Variants in DNAH11 observed in about 807,000 individuals in gnomAD.
DNAH11 encodes dynein axonemal heavy chain 11.
A neutral mutation model predicts 526.0 loss-of-function variants in DNAH11; 442 were observed. That is an observed-to-expected ratio of 0.84 (90% confidence interval 0.78 to 0.91). The LOEUF (loss-of-function observed/expected upper bound fraction) is 0.91. Ranked by LOEUF, DNAH11 falls within the 40% of genes least tolerant of loss-of-function variation. DNAH11 has a pLI of 0.00. For missense variants in DNAH11, 6,989 were observed against 5,448.7 expected, an observed-to-expected ratio of 1.28 and a Z score of -8.90; for synonymous variants, 2,461 against 1,935.9, an observed-to-expected ratio of 1.27 and a Z score of -7.12.
chr7:21,673,271 G>A (rs1782717340), intron 30 of DNAH11, among the ~76,000 whole-genome samples: 1 of 152,098 alleles, frequency 6.6e-6, no homozygotes, highest in Non-Finnish European at 1.5e-5. Flanking sequence ...ACTAGACCCT[G>A]GCTCCACCGT....
In DNAH11 at chr7:21,591,414, A is replaced by G. The variant is rs745305844; in HGVS notation, c.2504A>G (p.Lys835Arg). 4.5e-5 allele frequency: 72 copies of G among 1,613,874 alleles called. No individual in the cohort carries two copies. Among genetic ancestry groups the G allele is most frequent in the Non-Finnish European group, 5.8e-5 (69 of 1,179,892 alleles). ...GTTGAGCGCACACAGAAAAACGTGA[A>G]GGTGATCCAGCAGACCATGAGGGGC... ...HRVERTQKNV[K>R]VIQQTMRGWA... The change falls in exon 14 of 82, where the codon AAG (lysine) becomes AGG (arginine). Residue 835 changes from lysine to arginine, a missense_variant. By Grantham distance (26) the Lys-to-Arg change is conservative (BLOSUM62 2). Transcript: ENST00000409508.
At chr7:21,670,963 T>A (rs929779417) in intron 30 of DNAH11, among the ~76,000 whole-genome samples, 3 of 152,134 alleles carry the variant, frequency 2.0e-5, no homozygotes, top group African/African-American at 7.2e-5. Flanking sequence ...CAGGTACATT[T>A]GTCTGTAATT....
At chr7:21,608,880 G>T (rs1365776421) in intron 20 of DNAH11, among the ~76,000 whole-genome samples, 4 of 152,182 alleles carry the variant, frequency 2.6e-5, no homozygotes, top group Non-Finnish European at 4.4e-5. Flanking sequence ...AATGTAGTAG[G>T]GCTGGGTGAA....
At chr7:21,819,551 A>T (rs76570670) in intron 65 of DNAH11, among the ~76,000 whole-genome samples, 1,980 of 152,304 alleles carry the variant, frequency 0.013, 24 homozygotes, top group African/African-American at 0.028. Context: ...ACTGAAGTGA[A>T]ATCCTTGTTA....
intron 55 of DNAH11, among the ~76,000 whole-genome samples, chr7:21,767,702 G>A (rs922706220): frequency 6.6e-6 from 1 of 152,182 alleles, no homozygotes; most frequent in Non-Finnish European, 1.5e-5. Flanking sequence ...TTGCGCAGGA[G>A]CAATAATTAT....
intron 65 of DNAH11, among the ~76,000 whole-genome samples, chr7:21,831,252 C>T (rs1790538720): frequency 6.6e-6 from 1 of 152,176 alleles, no homozygotes; most frequent in South Asian, 2.1e-4. Flanking sequence ...AAGTCATAAC[C>T]TCTGGATTCA....
Position 21,681,553 on chromosome 7 carries a change from A to G in DNAH11, c.5336A>G (p.Gln1779Arg). ...LKDFHKKQIS[Q>R]LNTLITLLLG... is the part of the protein sequence containing the mutation. The stretch of plus-strand genomic sequence containing the variant: ...AAAAATGATTCCTTCTAGATTTCTC[A>G]GCTGAATACACTGATTACACTTTTG... The change falls in exon 31 of 82, where the codon CAG (glutamine) becomes CGG (arginine). Residue 1779 changes from glutamine to arginine, a missense_variant. Physicochemically the swap from Gln to Arg is conservative, Grantham distance 43. Transcript: ENST00000409508. 6.2e-7 allele frequency: 1 copy of G among 1,613,770 alleles called. No individual in the cohort carries two copies. Among genetic ancestry groups the G allele is most frequent in the South Asian group, 1.1e-5 (1 of 91,054 alleles).
chr7:21,576,456 C>G (rs1391234545), intron 8 of DNAH11, among the ~76,000 whole-genome samples: 2 of 152,174 alleles, frequency 1.3e-5, no homozygotes, highest in African/African-American at 4.8e-5. Flanking sequence ...AATACTGACT[C>G]AAGACTCTCT....
intron 45 of DNAH11, among the ~76,000 whole-genome samples, chr7:21,732,415 C>A (rs920962244): frequency 1.3e-5 from 2 of 152,170 alleles, no homozygotes; most frequent in African/African-American, 4.8e-5. Flanking sequence ...CAAATACAGT[C>A]CCATTCTGAA....
rs567157362 is a variant in DNAH11 at position 21,737,693 on chromosome 7, C to T, written c.7646-1008C>T. On this transcript the variant is annotated intron_variant, in intron 46 of 81. Transcript: ENST00000409508. ...AGGCTGTGGTTGGACAAACATGGGA[C>T]CAGGAGAGAGAGACTACTGGAGGCT... is the stretch of plus-strand genomic sequence containing the variant. 2.6e-5 allele frequency among the ~76,000 whole-genome samples: 4 copies of T among 152,226 alleles called. No homozygotes were observed. In the South Asian group the frequency reaches 8.3e-4, roughly 32 times the overall value.
intron 66 of DNAH11, among the ~76,000 whole-genome samples, chr7:21,844,390 A>C (rs1386964140): frequency 1.3e-5 from 2 of 152,212 alleles, no homozygotes; most frequent in Non-Finnish European, 2.9e-5. Flanking sequence ...GTGCCACTGC[A>C]CTCCAGCCTG....
intron 28 of DNAH11, among the ~76,000 whole-genome samples, chr7:21,644,597 G>A (rs1009825231): frequency 2.6e-5 from 4 of 152,194 alleles, no homozygotes; most frequent in Non-Finnish European, 5.9e-5. Flanking sequence ...TGGGGCTGAA[G>A]AAGGAATGAG....
Position 21,901,442 on chromosome 7 carries a change from G to T in DNAH11, c.*188G>T. 1 of 746,110 alleles carries T rather than the reference G, an allele frequency of 1.3e-6. No homozygotes were observed. Among genetic ancestry groups the T allele is most frequent in the Non-Finnish European group, 1.9e-6 (1 of 533,524 alleles). 46.2% of individuals were successfully genotyped at this position (746,110 alleles called of 1,614,324 possible). A position where few individuals can be genotyped will look rare whatever the true frequency, so the allele number is the denominator to read the frequency against. On this transcript the variant is annotated 3_prime_UTR_variant, in exon 82 of 82. Transcript: ENST00000409508. ...AACTAACTCAGGGCTGAGCGTGGTG[G>T]CACACGACTGTAATCCCAGTTACTC...
chr7:21,876,664 T>C (rs753539825), intron 74 of DNAH11, among the ~76,000 whole-genome samples: 2 of 152,250 alleles, frequency 1.3e-5, no homozygotes, highest in Non-Finnish European at 2.9e-5. Flanking sequence ...TCACCATTTC[T>C]AGAATGGGCT....
At chr7:21,770,589 A>G (rs1008097322) in intron 55 of DNAH11, among the ~76,000 whole-genome samples, 1 of 152,194 alleles carries the variant, frequency 6.6e-6, no homozygotes, top group African/African-American at 2.4e-5. Context: ...TGGAGGCCCA[A>G]GAGTAAATAA....
At chr7:21,764,658 C>G (rs974737901) in intron 54 of DNAH11, among the ~76,000 whole-genome samples, 1 of 152,194 alleles carries the variant, frequency 6.6e-6, no homozygotes, top group Admixed American at 6.5e-5. Flanking sequence ...TGACCAGGTG[C>G]TCCTCTCACT....
At chr7:21,873,587 A>C in intron 74 of DNAH11, 86 bp downstream of exon 74, 3 of 1,303,556 alleles carry the variant, frequency 2.3e-6, no homozygotes, top group South Asian at 1.2e-5. Flanking sequence ...CAGGCATGTC[A>C]TTGAGAGGGA....
In DNAH11 at chr7:21,900,099, C is replaced by T. The variant is rs376170464; in HGVS notation, c.13282C>T (p.Leu4428Phe). ...YGHPPREGAY[L>F]HGLFMEGARW... ...ACACCCGCCAAGGGAAGGTGCATACCTCCACGGACTCTTCATGGAGGGTAA... is the reference window on the plus strand; with the variant it reads ...ACACCCGCCAAGGGAAGGTGCATACTTCCACGGACTCTTCATGGAGGGTAA... Residue 4428 changes from leucine (L) to phenylalanine (F), a missense_variant, in exon 81 of 82, where the codon CTC becomes TTC. By Grantham distance (22) the Leu-to-Phe change is conservative. Coordinates refer to ENST00000409508, the MANE Select transcript of DNAH11 (RefSeq NM_001277115.2). 3 of 1,613,504 alleles carry T rather than the reference C, an allele frequency of 1.9e-6. No homozygotes were observed. The highest frequency in any genetic ancestry group is 2.7e-5 in the African/African-American group (2 of 74,882).
intron 74 of DNAH11, among the ~76,000 whole-genome samples, chr7:21,879,728 C>T (rs779979534): frequency 3.1e-4 from 47 of 152,208 alleles, no homozygotes; most frequent in Non-Finnish European, 5.7e-4. Context: ...TGATGGGTGC[C>T]CCTGCCATAC....
Sources: gnomAD v4.1 joint callset for allele counts (sites outside exome capture counted in the v4.1 genomes callset) on GRCh38, gnomAD v4.1.1 for gene constraint, MANE v1.5 for transcripts, NCBI Gene and HGNC (gene_info 2026-07-23, HGNC 2026-07-21) for gene names.